Variants in APTX observed in about 807,000 individuals in gnomAD.
APTX encodes the protein aprataxin.
Under a neutral mutation model 42.3 loss-of-function variants are expected in APTX, and 33 were observed. The ratio of observed to expected loss-of-function variants is 0.78; its 90% CI spans 0.59 to 1.04. The LOEUF (loss-of-function observed/expected upper bound fraction) is 1.04, where lower values mean the gene tolerates loss of function less well. Among genes scored for constraint, APTX ranks in the 50% least tolerant of loss-of-function variants. APTX has a pLI of 0.00. For synonymous variants in APTX, 130 were observed against 146.7 expected (o/e 0.89, Z 0.82); for missense variants, 421 against 415.1 (o/e 1.01, Z -0.12).
chr9:33,016,937 T>C lies in APTX; in HGVS notation c.-5+8086A>G, dbSNP rs149761835. Among the ~76,000 whole-genome samples, 484 of 152,346 alleles carry C rather than the reference T, an allele frequency of 3.2e-3. 4 individuals carry two copies. The highest frequency in any genetic ancestry group is 0.011 in the African/African-American group (453 of 41,574). On this transcript the variant is annotated intron_variant, in intron 1 of 6. Transcript: ENST00000436040. Reference sequence around the variant, plus strand: ...AAAATGCATATTCATTCATAATTTATTGAGTACCAACTCTGTACCAGGCAG... The same window carrying C: ...AAAATGCATATTCATTCATAATTTACTGAGTACCAACTCTGTACCAGGCAG...
intron 6 of APTX, among the ~76,000 whole-genome samples, chr9:32,976,745 A>T (rs559748584): frequency 6.6e-6 from 1 of 152,370 alleles, no homozygotes; most frequent in Admixed American, 6.5e-5. Flanking sequence ...CTCTACAAAC[A>T]GTAAATAAAA....
intron 4 of APTX, 25 bp from the exon 5 acceptor site, chr9:32,986,055 C>CA (rs748400752): frequency 0.097 from 48,389 of 497,448 alleles, 58 homozygotes; most frequent in East Asian, 0.14. Flanking sequence ...AAAAAAAAAA[C>CA]AAAAAAAAAA....
At chr9:33,000,501 G>GA (rs1296271649) in intron 1 of APTX, among the ~76,000 whole-genome samples, 1 of 151,590 alleles carries the variant, frequency 6.6e-6, no homozygotes, top group Non-Finnish European at 1.5e-5. Flanking sequence ...CGTGGCACAC[G>GA]CCTGTAATCC....
intron 1 of APTX, among the ~76,000 whole-genome samples, chr9:33,013,069 A>C (rs1219228138): frequency 6.6e-6 from 1 of 152,204 alleles, no homozygotes; most frequent in Non-Finnish European, 1.5e-5. Context: ...CTCAATCAAT[A>C]TTTTAGTAAA....
intron 1 of APTX, among the ~76,000 whole-genome samples, chr9:32,998,052 T>C (rs1835376735): frequency 6.6e-6 from 1 of 151,950 alleles, no homozygotes; most frequent in Non-Finnish European, 1.5e-5. Flanking sequence ...TGAGAGATGT[T>C]TAGGGGGTAA....
At chr9:32,991,862 G>A (rs908864378) in intron 1 of APTX, among the ~76,000 whole-genome samples, 1 of 151,784 alleles carries the variant, frequency 6.6e-6, no homozygotes, top group Non-Finnish European at 1.5e-5. Flanking sequence ...TACACAAGGA[G>A]ACATAATTTG....
At chr9:32,985,331 T>G (rs1587441618) in intron 5 of APTX, among the ~76,000 whole-genome samples, 2 of 145,936 alleles carry the variant, frequency 1.4e-5, no homozygotes, top group African/African-American at 5.1e-5. Flanking sequence ...TGCCTGTTTT[T>G]TTTTTTTTTT....
chr9:33,003,454 G>A (rs1352804080), upstream of APTX, among the ~76,000 whole-genome samples: 1 of 152,156 alleles, frequency 6.6e-6, no homozygotes, highest in African/African-American at 2.4e-5. Context: ...GCCAACGCAG[G>A]TGGATTACCT....
chr9:32,978,448 G>A (rs1321683256), intron 6 of APTX, among the ~76,000 whole-genome samples: 1 of 152,136 alleles, frequency 6.6e-6, no homozygotes, highest in Non-Finnish European at 1.5e-5. Context: ...TTGAGAAAGA[G>A]GAATTATAGT....
chr9:33,015,840 G>A (rs1192104099), intron 1 of APTX: 1 of 152,142 alleles, frequency 6.6e-6, no homozygotes, highest in Non-Finnish European at 1.5e-5. Context: ...ATTTCCATGA[G>A]AGTTTCCCTT....
upstream of APTX, among the ~76,000 whole-genome samples, chr9:33,004,794 G>A (rs951128401): frequency 8.9e-5 from 13 of 146,164 alleles, no homozygotes; most frequent in African/African-American, 3.0e-4. Flanking sequence ...CACCACACCC[G>A]GGTAATTTTT....
intron 1 of APTX, among the ~76,000 whole-genome samples, chr9:32,996,494 A>G (rs1419888822): frequency 6.6e-6 from 1 of 151,918 alleles, no homozygotes. Flanking sequence ...ACTGGTCTGA[A>G]ACTCCTGGCC....
upstream of APTX, among the ~76,000 whole-genome samples, chr9:33,004,643 T>C (rs560622826): frequency 6.7e-6 from 1 of 148,284 alleles, no homozygotes; most frequent in East Asian, 2.0e-4. Flanking sequence ...TTTTTTTTTT[T>C]TTTTTTTGAG....
chr9:32,995,730 ACAAAAAAATTAGCCGGGCGTGGTGGCGGG>A (rs902724299), intron 1 of APTX, among the ~76,000 whole-genome samples: 1 of 152,082 alleles, frequency 6.6e-6, no homozygotes, highest in Non-Finnish European at 1.5e-5. Flanking sequence ...TACTAAAAAT[ACAAAAAAATTAGCCGGGCGTGGTGGCGGG>A]CACCTGTAGT....
intron 1 of APTX, among the ~76,000 whole-genome samples, chr9:32,993,091 G>T (rs1367348594): frequency 6.6e-6 from 1 of 152,222 alleles, no homozygotes; most frequent in Non-Finnish European, 1.5e-5. Context: ...GAAGAGAACA[G>T]ATTTTGAGAG....
chr9:32,987,866 A>G lies in APTX; in HGVS notation c.181-20T>C. The G allele has an allele frequency of 6.2e-7, 1 of 1,611,910 alleles. No homozygotes were observed. The highest frequency in any genetic ancestry group is 8.5e-7 in the Non-Finnish European group (1 of 1,179,576). The stretch of plus-strand genomic sequence containing the variant: ...TCCTACCTATGGAATAAACAATCAG[A>G]AAATAATTATAATAATAGCAACAGC... On this transcript the variant is annotated intron_variant, in intron 3 of 7. Coordinates refer to ENST00000379817, the MANE Select transcript of APTX (RefSeq NM_001195248.2).
chr9:32,996,156 C>T (rs1035090013), intron 1 of APTX, among the ~76,000 whole-genome samples: 10 of 152,222 alleles, frequency 6.6e-5, no homozygotes, highest in Non-Finnish European at 1.2e-4. Flanking sequence ...ACTAAGAAAC[C>T]AAAACATGCA....
At chr9:33,012,115 C>T (rs1431962816) in intron 1 of APTX, among the ~76,000 whole-genome samples, 3 of 152,138 alleles carry the variant, frequency 2.0e-5, no homozygotes, top group South Asian at 2.1e-4. Context: ...CTTCACCATA[C>T]GTTTAACCAC....
rs192342726 is a variant in APTX at position 32,988,175 on chromosome 9, A to G, written c.134-46T>C. The G allele has an allele frequency of 1.9e-4, 297 of 1,560,746 alleles. 4 individuals are homozygous for G. In the East Asian group the frequency reaches 6.1e-3, roughly 32 times the overall value. ...TTAAACACAAATGCAACAAAGAACC[A>G]GGCACTTGCTCCTATCTTCCCTAAA... On this transcript the variant is annotated intron_variant, in intron 2 of 7. Coordinates refer to ENST00000379817, the MANE Select transcript of APTX (RefSeq NM_001195248.2).
Sources: gnomAD v4.1 joint callset for allele counts (sites outside exome capture counted in the v4.1 genomes callset) on GRCh38, gnomAD v4.1.1 for gene constraint, MANE v1.5 for transcripts, NCBI Gene and HGNC (gene_info 2026-07-23, HGNC 2026-07-21) for gene names.